The following RBFOX1 variants were observed in gnomAD, a reference collection of about 807,000 sequenced individuals.
RBFOX1 encodes RNA binding fox-1 homolog 1.
Under a neutral mutation model 57.7 loss-of-function variants are expected in RBFOX1, and 8 were observed. The ratio of observed to expected loss-of-function variants is 0.14; its 90% CI spans 0.08 to 0.25. RBFOX1 has a LOEUF of 0.25. RBFOX1 is among the 10% of genes least tolerant of loss of function. RBFOX1 has a pLI of 1.00. For synonymous variants in RBFOX1, 326 were observed against 222.4 expected, an observed-to-expected ratio of 1.47 and a Z score of -4.15; for missense variants, 611 against 548.5, an observed-to-expected ratio of 1.11 and a Z score of -1.14.
At chr16:5,258,067 T>C (rs1023744354) in intron 1 of RBFOX1, among the ~76,000 whole-genome samples, 11 of 152,216 alleles carry the variant, frequency 7.2e-5, no homozygotes, top group African/African-American at 2.4e-4. Context: ...TTTGTAGAGA[T>C]GAGGTTTCAC....
In RBFOX1 at chr16:7,013,395, G is replaced by C. The variant is rs115329648; in HGVS notation, c.-15-38662G>C. Reference sequence around the variant, plus strand: ...GAAAAATTGCCCACTTTCTGACCCAGAGAACATGTGACAATGTCTGGAGAC... The same window carrying C: ...GAAAAATTGCCCACTTTCTGACCCACAGAACATGTGACAATGTCTGGAGAC... On this transcript the variant is annotated intron_variant, in intron 3 of 15. Transcript: ENST00000550418. Among the ~76,000 whole-genome samples, 1,074 of 152,278 alleles carry C rather than the reference G, an allele frequency of 7.1e-3. 14 individuals carry two copies. Among genetic ancestry groups the C allele is most frequent in the African/African-American group, 0.024 (981 of 41,554 alleles).
intron 3 of RBFOX1, among the ~76,000 whole-genome samples, chr16:7,023,515 C>T (rs964778099): frequency 7.3e-6 from 1 of 136,382 alleles, no homozygotes; most frequent in African/African-American, 2.9e-5. Flanking sequence ...GCACTTGATG[C>T]CAGGGCTTTA....
At chr16:7,150,137 C>G (rs536800152) in intron 4 of RBFOX1, among the ~76,000 whole-genome samples, 2 of 152,270 alleles carry the variant, frequency 1.3e-5, no homozygotes, top group East Asian at 3.9e-4. Context: ...CTTTCATGGT[C>G]TGTTGATGTT....
intron 10 of RBFOX1, among the ~76,000 whole-genome samples, chr16:7,615,983 A>C (rs1367705691): frequency 1.3e-5 from 2 of 152,232 alleles, no homozygotes; most frequent in Non-Finnish European, 2.9e-5. Flanking sequence ...TGCAGTCATC[A>C]ATGGCAGTCA....
intron 4 of RBFOX1, among the ~76,000 whole-genome samples, chr16:5,894,706 C>T (rs1338121961): frequency 6.6e-6 from 1 of 152,130 alleles, no homozygotes; most frequent in Non-Finnish European, 1.5e-5. Flanking sequence ...CTATATTGCA[C>T]AGCAAGAAGA....
chr16:7,465,148 T>C (rs62011109), intron 4 of RBFOX1, among the ~76,000 whole-genome samples: 4,644 of 152,302 alleles, frequency 0.03, 99 homozygotes, highest in Middle Eastern at 0.048. Context: ...TTGCATATTT[T>C]ACTTTTTCCA....
intron 4 of RBFOX1, among the ~76,000 whole-genome samples, chr16:7,335,483 A>T (rs918624451): frequency 6.6e-6 from 1 of 151,468 alleles, no homozygotes; most frequent in Non-Finnish European, 1.5e-5. Context: ...GGTCTTTCCA[A>T]CCTCAAGAGA....
Position 6,188,877 on chromosome 16 carries a change from T to G in RBFOX1, c.-126-128118T>G, listed in dbSNP as rs116498124. Among the ~76,000 whole-genome samples the G allele has an allele frequency of 6.5e-3, 970 of 149,670 alleles. 10 individuals are homozygous for G. The highest frequency in any genetic ancestry group is 0.023 in the African/African-American group (921 of 39,462). On this transcript the variant is annotated intron_variant, in intron 1 of 15. Transcript: ENST00000550418. ...TGCATTGCCAAAAGTAGTAGTGGAC[T>G]AAAACACCAGTCTGCTTTTCTTTTA...
chr16:5,875,068 C>G (rs1222198655), intron 4 of RBFOX1, among the ~76,000 whole-genome samples: 2 of 152,200 alleles, frequency 1.3e-5, no homozygotes, highest in African/African-American at 4.8e-5. Flanking sequence ...GACTAACCAG[C>G]AAGCTGACAT....
chr16:6,530,660 T>C (rs894344403), intron 2 of RBFOX1, among the ~76,000 whole-genome samples: 12 of 152,220 alleles, frequency 7.9e-5, no homozygotes, highest in East Asian at 3.9e-4. Context: ...CTCACAATCA[T>C]GGTGGAAGGA....
upstream of RBFOX1, among the ~76,000 whole-genome samples, chr16:6,017,270 A>C (rs1284619120): frequency 6.6e-6 from 1 of 152,248 alleles, no homozygotes; most frequent in Admixed American, 6.5e-5. Flanking sequence ...GAATTTGCAC[A>C]AAACAGTATA....
intron 3 of RBFOX1, among the ~76,000 whole-genome samples, chr16:6,780,270 C>CATATAT (rs1331810811): frequency 2.3e-5 from 1 of 43,232 alleles, no homozygotes; most frequent in African/African-American, 1.2e-4. Context: ...TATATTTATA[C>CATATAT]ATATATATAT....
At chr16:6,582,013 G>T (rs2097543389) in intron 2 of RBFOX1, among the ~76,000 whole-genome samples, 1 of 152,176 alleles carries the variant, frequency 6.6e-6, no homozygotes. Context: ...CCAGCATCTA[G>T]TGGGAAAAGC....
intron 3 of RBFOX1, among the ~76,000 whole-genome samples, chr16:6,684,242 G>A (rs1040899780): frequency 3.3e-5 from 5 of 152,194 alleles, no homozygotes; most frequent in African/African-American, 4.8e-5. Context: ...GCTGGTGTTA[G>A]AGGCTAATGT....
intron 2 of RBFOX1, among the ~76,000 whole-genome samples, chr16:6,651,050 G>A (rs770457330): frequency 1.3e-5 from 2 of 152,158 alleles, no homozygotes; most frequent in Non-Finnish European, 2.9e-5. Context: ...TTACAGGCGT[G>A]CACCAACAAG....
At chr16:5,441,699 G>C (rs1038909654) in intron 1 of RBFOX1, among the ~76,000 whole-genome samples, 1 of 152,146 alleles carries the variant, frequency 6.6e-6, no homozygotes, top group Non-Finnish European at 1.5e-5. Flanking sequence ...GTTCAGCATG[G>C]CTGGGGAGGC....
rs914579185 is a variant in RBFOX1, at chr16:6,019,492, C to G, written c.-627C>G. 9.8e-7 allele frequency: 1 copy of G among 1,015,804 alleles called. No homozygotes were observed. Among genetic ancestry groups the G allele is most frequent in the Non-Finnish European group, 1.2e-6 (1 of 850,002 alleles). The allele number at this position is 1,015,804 out of a possible 1,614,324, so 62.9% of individuals were successfully genotyped here. ...GGGAATCCCTCCCCCTCCGCCCCAGCCCCCCAGCAGCACCCGCGGTGGGGC... is the reference window on the plus strand; with the variant it reads ...GGGAATCCCTCCCCCTCCGCCCCAGGCCCCCAGCAGCACCCGCGGTGGGGC... On this transcript the variant is annotated 5_prime_UTR_variant, in exon 1 of 16. Transcript: ENST00000550418. The surrounding 1 kb of genome is among the most constrained non-coding windows in gnomAD (Gnocchi z 4.2).
intron 1 of RBFOX1, among the ~76,000 whole-genome samples, chr16:6,295,495 A>C (rs2078001017): frequency 6.6e-6 from 1 of 152,164 alleles, no homozygotes; most frequent in Non-Finnish European, 1.5e-5. Flanking sequence ...TGCTATTACC[A>C]AGTTTTACTC....
intron 3 of RBFOX1, among the ~76,000 whole-genome samples, chr16:7,006,861 G>C (rs2093335355): frequency 6.6e-6 from 1 of 152,172 alleles, no homozygotes; most frequent in Admixed American, 6.5e-5. Flanking sequence ...TTTGAACCCT[G>C]CCATTTTCTG....
Sources: gnomAD v4.1 joint callset for allele counts (sites outside exome capture counted in the v4.1 genomes callset) on GRCh38, gnomAD v4.1.1 for gene constraint, Gnocchi (gnomAD v3.1) non-coding constraint, MANE v1.5 for transcripts, NCBI Gene and HGNC (gene_info 2026-07-23, HGNC 2026-07-21) for gene names.